MANSC1: variants seen among roughly 807,000 people sequenced by gnomAD.
MANSC1 encodes the protein MANSC domain-containing protein 1.
MANSC1 carries 13 observed loss-of-function variants against 14.1 expected under a neutral mutation model. That is an observed-to-expected ratio of 0.92 (90% CI 0.60 to 1.46). MANSC1 has a LOEUF of 1.46. Among genes scored for constraint, MANSC1 ranks in the 40% most tolerant of loss-of-function variants. The probability of loss-of-function intolerance (pLI) is 0.00; values close to 1 mark genes in which losing one functional copy is unlikely to be tolerated. For missense variants in MANSC1, 486 were observed against 511.4 expected (o/e 0.95, Z 0.48); for synonymous variants, 227 against 200.7 (o/e 1.13, Z -1.11).
Position 12,347,008 on chromosome 12 carries a change from G to T in MANSC1, c.-101+3070C>A, listed in dbSNP as rs920877317. On this transcript the variant is annotated intron_variant, in intron 1 of 3. Coordinates refer to ENST00000535902, the MANE Select transcript of MANSC1 (RefSeq NM_018050.4). ...GGAAATATTTGTGAAACACACATCT[G>T]ATAAAGCAGCAGTCCATAGCCTTTC... Among the ~76,000 whole-genome samples, 2 of 151,466 alleles carry T rather than the reference G, an allele frequency of 1.3e-5. 1 individual carries two copies. The highest frequency in any genetic ancestry group is 1.3e-4 in the Admixed American group (2 of 15,210).
Position 12,330,966 on chromosome 12 carries a change from T to G in MANSC1, c.365-8A>C. On this transcript the variant is annotated splice_region_variant and splice_polypyrimidine_tract_variant and intron_variant, in intron 3 of 3. Transcript: ENST00000535902. ...TGGTCAAAGATGGAAAATCTGAAAATGTATGGAAAATAAAAGGAAGGCTTA... is the reference window on the plus strand; with the variant it reads ...TGGTCAAAGATGGAAAATCTGAAAAGGTATGGAAAATAAAAGGAAGGCTTA... The G allele has an allele frequency of 6.5e-7, 1 of 1,538,858 alleles. No individual in the cohort carries two copies. The highest frequency in any genetic ancestry group is 8.8e-7 in the Non-Finnish European group (1 of 1,135,400).
Position 12,330,820 on chromosome 12 carries a change from CA to C in MANSC1, c.502del (p.Trp168GlyfsTer48). 6.2e-7 allele frequency: 1 copy of C among 1,614,098 alleles called. No homozygotes were observed. Among genetic ancestry groups the C allele is most frequent in the East Asian group, 2.2e-5 (1 of 44,888 alleles). On this transcript the variant is annotated frameshift_variant, in exon 4 of 4. Coordinates refer to ENST00000535902, the MANE Select transcript of MANSC1 (RefSeq NM_018050.4). LOFTEE classifies it low-confidence loss of function (END_TRUNC). ...TDYSKPTDISWRDTLSQKFGS... is the reference protein window; with the variant it reads ...TDYSKPTDISXRDTLSQKFGS... ...AAACTTCTGAGAAAGTGTGTCTCTC[CA>C]TGAGATATCGGTGGGCTTTGAATAA...
At chr12:12,333,933 C>T (rs1020617731) in intron 3 of MANSC1, among the ~76,000 whole-genome samples, 3 of 152,010 alleles carry the variant, frequency 2.0e-5, no homozygotes, top group Non-Finnish European at 4.4e-5. Context: ...ACTCTTGGTC[C>T]GTAAATATTA....
At position 12,330,757 on chromosome 12, in the gene MANSC1, T is replaced by C. The variant is rs750578997; in HGVS notation, c.566A>G (p.Asp189Gly). ...SDHLEKLFKM[D>G]EASAQLLAYK... is the part of the protein sequence containing the mutation. ...AGCAAGGAGCTGGGCACTTGCTTCATCCATCTTAAATAGTTTCTCCAAGTG... is the reference window on the plus strand; with the variant it reads ...AGCAAGGAGCTGGGCACTTGCTTCACCCATCTTAAATAGTTTCTCCAAGTG... The change falls in exon 4 of 4, where the codon GAT (aspartate) becomes GGT (glycine). Residue 189 changes from aspartate (D) to glycine (G), a missense_variant. Transcript: ENST00000535902. 2.5e-6 allele frequency: 4 copies of C among 1,614,022 alleles called. No individual in the cohort carries two copies. Among genetic ancestry groups the C allele is most frequent in the African/African-American group, 2.7e-5 (2 of 74,948 alleles).
intron 3 of MANSC1, 72 bp downstream of exon 3, chr12:12,338,348 T>C: frequency 3.0e-6 from 4 of 1,342,500 alleles, no homozygotes; most frequent in South Asian, 1.6e-5. Flanking sequence ...TAGACTCTTG[T>C]AGAAAATCTT....
intron 1 of MANSC1, among the ~76,000 whole-genome samples, chr12:12,345,948 C>A (rs147754347): frequency 6.6e-6 from 1 of 152,322 alleles, no homozygotes; most frequent in Non-Finnish European, 1.5e-5. Flanking sequence ...ATAACATGTT[C>A]ATGGATAGGA....
At chr12:12,338,129 C>A (rs964171266) in intron 3 of MANSC1, among the ~76,000 whole-genome samples, 1 of 152,184 alleles carries the variant, frequency 6.6e-6, no homozygotes, top group Non-Finnish European at 1.5e-5. Flanking sequence ...TATACTTATT[C>A]CAGTGTTGCC....
chr12:12,334,234 G>A (rs1396657240), intron 3 of MANSC1, among the ~76,000 whole-genome samples: 5 of 150,776 alleles, frequency 3.3e-5, no homozygotes, highest in Non-Finnish European at 7.4e-5. Flanking sequence ...AGCCATGATC[G>A]CGCCACTGCA....
intron 2 of MANSC1, among the ~76,000 whole-genome samples, chr12:12,340,948 T>G (rs1862925056): frequency 6.6e-6 from 1 of 152,214 alleles, no homozygotes; most frequent in Non-Finnish European, 1.5e-5. Flanking sequence ...GAAGGGATTT[T>G]TCCTCCTGAC....
intron 1 of MANSC1, among the ~76,000 whole-genome samples, chr12:12,345,619 C>A (rs1476567479): frequency 6.6e-6 from 1 of 152,116 alleles, no homozygotes; most frequent in Non-Finnish European, 1.5e-5. Flanking sequence ...CAAGACAATA[C>A]AAGAAATTAT....
intron 2 of MANSC1, 101 bp from the exon 3 acceptor site, chr12:12,338,661 C>T: frequency 1.9e-6 from 2 of 1,075,622 alleles, no homozygotes; most frequent in Non-Finnish European, 2.7e-6. Context: ...AACACAAACA[C>T]CTTTGTTCAT....
chr12:12,338,171 T>A (rs1449862213), intron 3 of MANSC1, among the ~76,000 whole-genome samples: 2 of 152,170 alleles, frequency 1.3e-5, no homozygotes, highest in Non-Finnish European at 2.9e-5. Context: ...TTCAAAAACG[T>A]TTCATACAAG....
chr12:12,347,603 C>A (rs934364838), intron 1 of MANSC1, among the ~76,000 whole-genome samples: 3 of 152,178 alleles, frequency 2.0e-5, no homozygotes, highest in Non-Finnish European at 4.4e-5. Flanking sequence ...TGAGCAGACA[C>A]CTTATCAAAG....
intron 3 of MANSC1, among the ~76,000 whole-genome samples, chr12:12,332,667 C>T (rs113572071): frequency 6.6e-5 from 10 of 152,136 alleles, no homozygotes; most frequent in South Asian, 2.1e-4. Flanking sequence ...ATTACAGGCG[C>T]GTGCCACCAC....
chr12:12,334,037 C>T (rs1862825870), intron 3 of MANSC1, among the ~76,000 whole-genome samples: 1 of 152,070 alleles, frequency 6.6e-6, no homozygotes, highest in South Asian at 2.1e-4. Context: ...TTGCTTGAGG[C>T]CAGGAGTTTG....
At chr12:12,331,361 G>A (rs1592028985) in intron 3 of MANSC1, among the ~76,000 whole-genome samples, 1 of 152,198 alleles carries the variant, frequency 6.6e-6, no homozygotes, top group South Asian at 2.1e-4. Flanking sequence ...GGCAAATTAA[G>A]GAAAAGGTGG....
intron 3 of MANSC1, among the ~76,000 whole-genome samples, chr12:12,333,046 T>A (rs1342852705): frequency 1.3e-5 from 2 of 150,444 alleles, no homozygotes; most frequent in Admixed American, 6.6e-5. Flanking sequence ...TATTTGAAAA[T>A]ATATATATAT....
intron 1 of MANSC1, among the ~76,000 whole-genome samples, chr12:12,349,173 T>C (rs1863045947): frequency 6.6e-6 from 1 of 152,218 alleles, no homozygotes; most frequent in Non-Finnish European, 1.5e-5. Flanking sequence ...TTTTTTCCAC[T>C]CAAGTTCACA....
chr12:12,348,721 A>AAG (rs1373082402), intron 1 of MANSC1, among the ~76,000 whole-genome samples: 1 of 151,708 alleles, frequency 6.6e-6, no homozygotes, highest in Non-Finnish European at 1.5e-5. Flanking sequence ...TAAAACCAAA[A>AAG]AAAAAAAAAA....
Sources: allele counts gnomAD v4.1 joint callset (sites outside exome capture counted in the v4.1 genomes callset), GRCh38; gene constraint gnomAD v4.1.1; transcripts MANE v1.5; gene names NCBI Gene and HGNC (gene_info 2026-07-23, HGNC 2026-07-21).